The following GRIP1 variants were observed in gnomAD, a reference collection of about 807,000 sequenced individuals.
The protein encoded by GRIP1 is glutamate receptor interacting protein 1.
Under a neutral mutation model 129.9 loss-of-function variants are expected in GRIP1, and 45 were observed. The ratio of observed to expected loss-of-function variants is 0.35; its 90% CI spans 0.27 to 0.44. The LOEUF (loss-of-function observed/expected upper bound fraction) is 0.44. GRIP1 is among the 20% of genes least tolerant of loss of function. The pLI is 1.00. For synonymous variants in GRIP1, 530 were observed against 520.8 expected, an observed-to-expected ratio of 1.02 and a Z score of -0.24; for missense variants, 1,196 against 1,396.8, an observed-to-expected ratio of 0.86 and a Z score of 2.29.
intron 4 of GRIP1, among the ~76,000 whole-genome samples, chr12:66,530,157 C>T (rs967795551): frequency 1.3e-5 from 2 of 152,230 alleles, no homozygotes; most frequent in Middle Eastern, 3.4e-3. Flanking sequence ...TAGCTCATTT[C>T]CTTCTATATA....
chr12:66,350,076 C>T (rs868472256), intron 24 of GRIP1, among the ~76,000 whole-genome samples: 3 of 152,050 alleles, frequency 2.0e-5, no homozygotes, highest in Non-Finnish European at 4.4e-5. Flanking sequence ...ATTTGCCGCT[C>T]GTGACACCTC....
chr12:66,726,367 A>G (rs2136472852), intron 1 of GRIP1, among the ~76,000 whole-genome samples: 2 of 152,310 alleles, frequency 1.3e-5, no homozygotes, highest in South Asian at 4.1e-4. Flanking sequence ...TCACTCTATG[A>G]GTTGGATAAA....
chr12:66,680,273 G>A (rs1195035441), upstream of GRIP1, among the ~76,000 whole-genome samples: 1 of 152,090 alleles, frequency 6.6e-6, no homozygotes, highest in Non-Finnish European at 1.5e-5. Context: ...CAAATTTAGT[G>A]GTAAAACTTT....
chr12:66,512,764 C>A (rs1199718773), intron 7 of GRIP1, among the ~76,000 whole-genome samples: 1 of 151,848 alleles, frequency 6.6e-6, no homozygotes, highest in African/African-American at 2.4e-5. Context: ...GTTTACCTAA[C>A]AAATCAGATA....
intron 2 of GRIP1, among the ~76,000 whole-genome samples, chr12:66,586,296 T>C (rs1319932295): frequency 6.6e-6 from 1 of 152,208 alleles, no homozygotes; most frequent in Non-Finnish European, 1.5e-5. Context: ...ATATTTGACC[T>C]AGTTTTTCTC....
At chr12:66,432,293 A>C (rs1290494525) in intron 14 of GRIP1, among the ~76,000 whole-genome samples, 1 of 152,116 alleles carries the variant, frequency 6.6e-6, no homozygotes, top group African/African-American at 2.4e-5. Flanking sequence ...TCAATAATTA[A>C]AACAATCCTA....
intron 1 of GRIP1, among the ~76,000 whole-genome samples, chr12:66,994,252 A>G (rs2042434998): frequency 6.6e-6 from 1 of 152,044 alleles, no homozygotes; most frequent in African/African-American, 2.4e-5. Flanking sequence ...GTAACAAAAC[A>G]CTAGCAAAAA....
intron 1 of GRIP1, among the ~76,000 whole-genome samples, chr12:66,795,156 A>G (rs981955468): frequency 6.6e-6 from 1 of 152,216 alleles, no homozygotes; most frequent in Non-Finnish European, 1.5e-5. Context: ...CAGTTTACAA[A>G]AACAAGTATT....
chr12:66,459,461 T>C (rs1375720338), intron 9 of GRIP1, among the ~76,000 whole-genome samples: 1 of 152,112 alleles, frequency 6.6e-6, no homozygotes, highest in Non-Finnish European at 1.5e-5. Context: ...CACTTCGGGA[T>C]TCTACACCCA....
intron 1 of GRIP1, among the ~76,000 whole-genome samples, chr12:67,059,426 G>C (rs976662577): frequency 8.5e-5 from 13 of 152,206 alleles, no homozygotes; most frequent in African/African-American, 3.1e-4. Context: ...GCCAAGTCCA[G>C]AGCAGTAGAC....
intron 7 of GRIP1, among the ~76,000 whole-genome samples, chr12:66,510,714 T>G (rs767768537): frequency 1.3e-5 from 2 of 152,158 alleles, no homozygotes; most frequent in Non-Finnish European, 2.9e-5. Context: ...CATTTGAGAT[T>G]TACTGAATAA....
At chr12:66,419,170 T>C (rs544445323) in intron 15 of GRIP1, among the ~76,000 whole-genome samples, 1 of 152,326 alleles carries the variant, frequency 6.6e-6, no homozygotes, top group East Asian at 1.9e-4. Context: ...GAGGTCATTA[T>C]GTTCAATGAA....
At chr12:66,989,846 A>G (rs750247550) in intron 1 of GRIP1, among the ~76,000 whole-genome samples, 3 of 152,226 alleles carry the variant, frequency 2.0e-5, no homozygotes, top group Non-Finnish European at 4.4e-5. Flanking sequence ...AGAAATAAAT[A>G]CAATCAGCTC....
At chr12:66,459,172 T>G (rs1038720596) in intron 9 of GRIP1, among the ~76,000 whole-genome samples, 10 of 152,324 alleles carry the variant, frequency 6.6e-5, no homozygotes, top group African/African-American at 2.4e-4. Flanking sequence ...AATACATGAA[T>G]GAATGAATAA....
intron 1 of GRIP1, among the ~76,000 whole-genome samples, chr12:67,020,355 G>C (rs1467890643): frequency 2.0e-5 from 3 of 152,104 alleles, no homozygotes; most frequent in Non-Finnish European, 2.9e-5. Context: ...AACACTAAAG[G>C]AATTGTCAAC....
At chr12:66,943,277 G>C (rs1177057884) in intron 1 of GRIP1, among the ~76,000 whole-genome samples, 1 of 152,188 alleles carries the variant, frequency 6.6e-6, no homozygotes, top group Admixed American at 6.5e-5. Flanking sequence ...AGGGGGCCTA[G>C]CACCTCTCCA....
intron 2 of GRIP1, among the ~76,000 whole-genome samples, chr12:66,575,756 G>C (rs2139549839): frequency 6.6e-6 from 1 of 152,226 alleles, no homozygotes; most frequent in Non-Finnish European, 1.5e-5. Context: ...GTAGAAGCTG[G>C]TATAAAGTTA....
intron 1 of GRIP1, among the ~76,000 whole-genome samples, chr12:66,705,746 A>C (rs1462741187): frequency 6.6e-6 from 1 of 152,150 alleles, no homozygotes; most frequent in Non-Finnish European, 1.5e-5. Context: ...TTCAGAAATA[A>C]CACCACACAT....
At chr12:66,978,409 T>C (rs912928601) in intron 1 of GRIP1, among the ~76,000 whole-genome samples, 10 of 152,192 alleles carry the variant, frequency 6.6e-5, no homozygotes, top group Non-Finnish European at 5.9e-5. Context: ...AGCACATACA[T>C]CAAATTGAAA....
Sources: allele counts gnomAD v4.1 joint callset (sites outside exome capture counted in the v4.1 genomes callset), GRCh38; gene constraint gnomAD v4.1.1; transcripts MANE v1.5; gene names NCBI Gene and HGNC (gene_info 2026-07-23, HGNC 2026-07-21).